Variants in TOP1 observed in about 807,000 individuals in gnomAD.
TOP1 encodes the protein DNA topoisomerase 1.
A neutral mutation model predicts 111.1 loss-of-function variants in TOP1; 10 were observed. That is an observed-to-expected ratio of 0.09 (90% CI 0.06 to 0.15). TOP1 has a LOEUF of 0.15. Ranked by LOEUF, TOP1 falls within the 10% of genes least tolerant of loss-of-function variation. TOP1 has a pLI of 1.00. For synonymous variants in TOP1, 271 were observed against 302.9 expected (o/e 0.89, Z 1.10); for missense variants, 474 against 926.7 (o/e 0.51, Z 6.34).
In TOP1 at chr20:41,080,046, T is replaced by A. The variant is rs1397783082; in HGVS notation, c.336-39T>A. 1.7e-6 allele frequency: 2 copies of A among 1,176,814 alleles called. No homozygotes were observed. Among genetic ancestry groups the A allele is most frequent in the Admixed American group, 3.7e-5 (2 of 54,320 alleles). The allele number at this position is 1,176,814 out of a possible 1,614,324, so 72.9% of individuals were successfully genotyped here. On this transcript the variant is annotated intron_variant, in intron 5 of 20. Transcript: ENST00000361337. This position sits in a 1 kb window ranked among gnomAD's most constrained non-coding sequence, Gnocchi z 5.0. ...CTTCTTTGTATTAATAGAATACAGA[T>A]GTTCTAGCACTCTGACCAGCAATTT... is the stretch of plus-strand genomic sequence containing the variant.
At chr20:41,037,471 A>C (rs1050978634) in intron 2 of TOP1, among the ~76,000 whole-genome samples, 2 of 152,216 alleles carry the variant, frequency 1.3e-5, no homozygotes, top group Admixed American at 6.5e-5. Flanking sequence ...TCAGTTTTTC[A>C]TTTATTCAAA....
Position 41,124,013 on chromosome 20 carries a change from G to C in TOP1, c.*716G>C, listed in dbSNP as rs1392810201. The stretch of plus-strand genomic sequence containing the variant: ...TGATCTTAAAGATCGTGTAGATTGG[G>C]GTTGGGGAGGGATGAAGGGCGAGTG... On this transcript the variant is annotated 3_prime_UTR_variant, in exon 21 of 21. Coordinates refer to ENST00000361337, the MANE Select transcript of TOP1 (RefSeq NM_003286.4). This position sits in a 1 kb window ranked among gnomAD's most constrained non-coding sequence, Gnocchi z 5.4. 4.3e-6 allele frequency: 1 copy of C among 233,096 alleles called. No individual in the cohort carries two copies. Among genetic ancestry groups the C allele is most frequent in the Non-Finnish European group, 8.5e-6 (1 of 117,808 alleles). The allele number at this position is 233,096 out of a possible 1,614,324, so 14.4% of individuals were successfully genotyped here. A position where few individuals can be genotyped will look rare whatever the true frequency, so the allele number is the denominator to read the frequency against.
chr20:41,048,019 G>A (rs1237435326), intron 2 of TOP1, among the ~76,000 whole-genome samples: 1 of 151,790 alleles, frequency 6.6e-6, no homozygotes, highest in Non-Finnish European at 1.5e-5. Flanking sequence ...TCAAATAGGG[G>A]TTGGAAGAGT....
chr20:41,053,157 T>C (rs984519462), intron 2 of TOP1, among the ~76,000 whole-genome samples: 2 of 152,206 alleles, frequency 1.3e-5, no homozygotes, highest in African/African-American at 4.8e-5. Flanking sequence ...AGGATGAATT[T>C]TTCAGCAATG....
Position 41,098,239 on chromosome 20 carries a change from A to G in TOP1, c.877A>G (p.Ile293Val). The change falls in exon 11 of 21, where the codon ATT becomes GTT. Residue 293 changes from isoleucine to valine, a missense_variant. Ile to Val is a conservative substitution (Grantham distance 29). Coordinates refer to ENST00000361337, the MANE Select transcript of TOP1 (RefSeq NM_003286.4). The surrounding 1 kb of genome is among the most constrained non-coding windows in gnomAD (Gnocchi z 5.7). ...GGAAATGACTAATGAAGAGAAGAAT[A>G]TTATCACCAACCTAAGCAAATGTGA... ...RKEMTNEEKN[I>V]ITNLSKCDFT... The G allele has an allele frequency of 6.2e-7, 1 of 1,613,992 alleles. No individual in the cohort carries two copies. The highest frequency in any genetic ancestry group is 8.5e-7 in the Non-Finnish European group (1 of 1,179,872).
At position 41,082,340 on chromosome 20, in the gene TOP1, T is replaced by C. The variant is rs151093124; in HGVS notation, c.507+1100T>C. Among the ~76,000 whole-genome samples, 3 of 152,358 alleles carry C rather than the reference T, an allele frequency of 2.0e-5. No individual in the cohort carries two copies. The highest frequency in any genetic ancestry group is 3.9e-4 in the East Asian group (2 of 5,188). ...ACTCTTCTATATATGTATCATTTCA[T>C]TTAATCCTTACAACCTGAATAGGTT... is the stretch of plus-strand genomic sequence containing the variant. On this transcript the variant is annotated intron_variant, in intron 7 of 20. Coordinates refer to ENST00000361337, the MANE Select transcript of TOP1 (RefSeq NM_003286.4). This position sits in a 1 kb window ranked among gnomAD's most constrained non-coding sequence, Gnocchi z 4.1.
chr20:41,063,761 C>CT (rs2033574725), intron 3 of TOP1, among the ~76,000 whole-genome samples: 1 of 151,416 alleles, frequency 6.6e-6, no homozygotes, highest in Non-Finnish European at 1.5e-5. Flanking sequence ...CTGTTCATGT[C>CT]TTTTGCTTGT....
chr20:41,040,613 T>C (rs2033250418), intron 2 of TOP1, among the ~76,000 whole-genome samples: 1 of 152,058 alleles, frequency 6.6e-6, no homozygotes, highest in Admixed American at 6.5e-5. Flanking sequence ...TATTGGAAAT[T>C]TGATTTTTAA....
At position 41,094,763 on chromosome 20, in the gene TOP1, C is replaced by T. The variant is rs1020144450; in HGVS notation, c.730+2176C>T. 6.6e-6 allele frequency among the ~76,000 whole-genome samples: 1 copy of T among 152,150 alleles called. No homozygotes were observed. Among genetic ancestry groups the T allele is most frequent in the African/African-American group, 2.4e-5 (1 of 41,436 alleles). On this transcript the variant is annotated intron_variant, in intron 9 of 20. Transcript: ENST00000361337. The surrounding 1 kb of genome is among the most constrained non-coding windows in gnomAD (Gnocchi z 4.4). ...AATTCTTAGACTCCTTTAGAACTTG[C>T]CAGGGAGGTGGGGCATGGGCTAGCT...
chr20:41,064,685 C>G (rs1346242445), intron 3 of TOP1, among the ~76,000 whole-genome samples: 1 of 152,152 alleles, frequency 6.6e-6, no homozygotes, highest in Non-Finnish European at 1.5e-5. Flanking sequence ...GCAGCTCAGA[C>G]TTGACTTGTT....
In TOP1 at chr20:41,080,128, G is replaced by A; in HGVS notation, c.379G>A (p.Val127Ile). Residue 127 changes from valine (V) to isoleucine (I), a missense_variant, in exon 6 of 21, where the codon GTT becomes ATT. This residue lies in a region of TOP1 where 185 missense variants were observed against 226.3 expected (regional missense o/e 0.82). Coordinates refer to ENST00000361337, the MANE Select transcript of TOP1 (RefSeq NM_003286.4). The surrounding 1 kb of genome is among the most constrained non-coding windows in gnomAD (Gnocchi z 5.0). ...TGAACCTGAAGATGATGGCTATTTT[G>A]TTCCTCCTAAAGAGGATATAAAGCC... ...KDEPEDDGYFVPPKEDIKPLK... is the reference protein window; with the variant it reads ...KDEPEDDGYFIPPKEDIKPLK... 6.2e-7 allele frequency: 1 copy of A among 1,611,580 alleles called. No individual in the cohort carries two copies.
chr20:41,065,163 C>T (rs2145928924), intron 3 of TOP1, among the ~76,000 whole-genome samples: 1 of 152,264 alleles, frequency 6.6e-6, no homozygotes, highest in African/African-American at 2.4e-5. Context: ...CCTTGGCCTC[C>T]CAAAGTGCTA....
At chr20:41,104,989 T>C (rs2034123081) in intron 13 of TOP1, among the ~76,000 whole-genome samples, 1 of 152,226 alleles carries the variant, frequency 6.6e-6, no homozygotes, top group African/African-American at 2.4e-5. Flanking sequence ...AATTATGTAA[T>C]GAACACTCGT....
chr20:41,098,176 C>T lies in TOP1; in HGVS notation c.853-39C>T, dbSNP rs372921663. 1.1e-5 allele frequency: 18 copies of T among 1,607,258 alleles called. No homozygotes were observed. Among genetic ancestry groups the T allele is most frequent in the Non-Finnish European group, 1.4e-5 (17 of 1,174,430 alleles). Reference sequence around the variant, plus strand: ...ACCCAAGGACTTATTAGTGTATTTTCGTTGTTTTTCTTTCATCTCCCCATT... The same window carrying T: ...ACCCAAGGACTTATTAGTGTATTTTTGTTGTTTTTCTTTCATCTCCCCATT... On this transcript the variant is annotated intron_variant, in intron 10 of 20. Coordinates refer to ENST00000361337, the MANE Select transcript of TOP1 (RefSeq NM_003286.4). This position sits in a 1 kb window ranked among gnomAD's most constrained non-coding sequence, Gnocchi z 5.7.
chr20:41,039,956 G>A (rs902578135), intron 2 of TOP1, among the ~76,000 whole-genome samples: 3 of 151,760 alleles, frequency 2.0e-5, no homozygotes, highest in Admixed American at 6.6e-5. Context: ...GTAGGTTGTC[G>A]GAATGGCTAG....
Position 41,114,254 on chromosome 20 carries a change from CA to C in TOP1, c.1638+103del. ...TGCTTTGCACTTTGCTGGGCACCAG[CA>C]AAAGTGACTTGAGACAGGCAACATG... On this transcript the variant is annotated intron_variant, in intron 15 of 20. Transcript: ENST00000361337. This position sits in a 1 kb window ranked among gnomAD's most constrained non-coding sequence, Gnocchi z 4.5. 9.3e-7 allele frequency: 1 copy of C among 1,072,554 alleles called. No individual in the cohort carries two copies. Among genetic ancestry groups the C allele is most frequent in the Non-Finnish European group, 1.4e-6 (1 of 727,046 alleles). The allele number at this position is 1,072,554 out of a possible 1,614,324, so 66.4% of individuals were successfully genotyped here.
At chr20:41,081,348 A>G (rs774941075) in intron 7 of TOP1, 108 bp downstream of exon 7, 131 of 1,306,836 alleles carry the variant, frequency 1.0e-4, no homozygotes, top group Non-Finnish European at 1.2e-4. Context: ...GGCTTGTTAT[A>G]ACATTAGGGA....
chr20:41,035,836 A>G (rs1442386837), intron 2 of TOP1, among the ~76,000 whole-genome samples: 1 of 152,186 alleles, frequency 6.6e-6, no homozygotes, highest in Non-Finnish European at 1.5e-5. Flanking sequence ...CTTTGTAGGT[A>G]TATTACTGAT....
At chr20:41,042,574 G>A (rs2033280880) in intron 2 of TOP1, among the ~76,000 whole-genome samples, 1 of 152,232 alleles carries the variant, frequency 6.6e-6, no homozygotes, top group South Asian at 2.1e-4. Context: ...ACTGCCTTTA[G>A]ATTAAATTAG....
Sources: gnomAD v4.1 joint callset for allele counts (sites outside exome capture counted in the v4.1 genomes callset) on GRCh38, gnomAD v4.1.1 for gene constraint, gnomAD v4.1.1 regional missense constraint, Gnocchi (gnomAD v3.1) non-coding constraint, MANE v1.5 for transcripts, NCBI Gene and HGNC (gene_info 2026-07-23, HGNC 2026-07-21) for gene names.